Variants in EBAG9 observed in about 807,000 individuals in gnomAD.
EBAG9 encodes receptor-binding cancer antigen expressed on SiSo cells.
A neutral mutation model predicts 30.9 loss-of-function variants in EBAG9; 16 were observed. That is an observed-to-expected ratio of 0.52 (90% confidence interval 0.35 to 0.79). EBAG9 has a LOEUF of 0.79. EBAG9 is among the 30% of genes least tolerant of loss of function. The pLI, the probability that EBAG9 is intolerant of heterozygous loss-of-function variation, is 0.01. For missense variants in EBAG9, 197 were observed against 242.1 expected (o/e 0.81, Z 1.24); for synonymous variants, 93 against 82.8 (o/e 1.12, Z -0.67).
At chr8:109,563,641 C>A in intron 6 of EBAG9, 11 of 1,203,698 alleles carry the variant, frequency 9.1e-6, no homozygotes, top group Non-Finnish European at 1.2e-5. Context: ...GTTTGTTACA[C>A]AGGTAAACAT....
At chr8:109,563,678 A>G in intron 6 of EBAG9, 1 of 873,360 alleles carries the variant, frequency 1.1e-6, no homozygotes, top group Non-Finnish European at 1.7e-6. Flanking sequence ...TCGTACAGAT[A>G]TTTCATCAGC....
intron 4 of EBAG9, among the ~76,000 whole-genome samples, chr8:109,555,316 T>C (rs1821577196): frequency 1.3e-5 from 2 of 152,206 alleles, no homozygotes; most frequent in Non-Finnish European, 1.5e-5. Context: ...CATGAACTCA[T>C]CCTTTTTTAT....
At chr8:109,552,971 G>A (rs1821523372) in intron 2 of EBAG9, among the ~76,000 whole-genome samples, 1 of 152,044 alleles carries the variant, frequency 6.6e-6, no homozygotes, top group South Asian at 2.1e-4. Flanking sequence ...ATTTCATAAA[G>A]GACTATATTA....
chr8:109,563,825 A>G (rs575551253), intron 6 of EBAG9, among the ~76,000 whole-genome samples: 3 of 152,116 alleles, frequency 2.0e-5, no homozygotes, highest in East Asian at 1.9e-4. Context: ...GCGCCCACTT[A>G]TAAGTGAGAA....
Position 109,553,880 on chromosome 8 carries a change from G to A in EBAG9, c.99G>A (p.Arg33=). 1 of 1,607,692 alleles carries A rather than the reference G, an allele frequency of 6.2e-7. No individual in the cohort carries two copies. Among genetic ancestry groups the A allele is most frequent in the Non-Finnish European group, 8.5e-7 (1 of 1,178,162 alleles). ...KRLICRSGRG[R]KLSGDQITLP... Reference sequence around the variant, plus strand: ...TTTGTTTCAGATCTGGCAGAGGACGGAAATTAAGTGGAGACCAAATAACTT... The same window carrying A: ...TTTGTTTCAGATCTGGCAGAGGACGAAAATTAAGTGGAGACCAAATAACTT... Residue 33 remains arginine, a synonymous_variant, in exon 3 of 7, where the codon CGG becomes CGA. Coordinates refer to ENST00000337573, the MANE Select transcript of EBAG9 (RefSeq NM_004215.5).
intron 5 of EBAG9, among the ~76,000 whole-genome samples, chr8:109,559,756 A>G (rs1411125720): frequency 6.6e-6 from 1 of 152,014 alleles, no homozygotes; most frequent in Non-Finnish European, 1.5e-5. Context: ...TTGAAGCTGC[A>G]GTGAACCATG....
intron 1 of EBAG9, among the ~76,000 whole-genome samples, chr8:109,549,854 T>C (rs1307999205): frequency 6.6e-6 from 1 of 152,050 alleles, no homozygotes; most frequent in African/African-American, 2.4e-5. Context: ...ATAATCTGTC[T>C]AACATTGAAA....
At chr8:109,563,539 T>C (rs1274324334) in intron 6 of EBAG9, 3 of 1,589,354 alleles carry the variant, frequency 1.9e-6, no homozygotes, top group Non-Finnish European at 2.5e-6. Flanking sequence ...GGAACAGGTA[T>C]GTATTTCACA....
chr8:109,556,441 T>C (rs1821599149), intron 4 of EBAG9, among the ~76,000 whole-genome samples: 1 of 152,148 alleles, frequency 6.6e-6, no homozygotes. Flanking sequence ...AGTATACTGC[T>C]GCTCTCAGTA....
intron 1 of EBAG9, chr8:109,550,577 C>G: frequency 3.1e-6 from 1 of 324,150 alleles, no homozygotes; most frequent in Admixed American, 4.9e-5. Flanking sequence ...AAATTATTTT[C>G]AAAAACTCAG....
chr8:109,561,119 A>G (rs1821702456), intron 6 of EBAG9, among the ~76,000 whole-genome samples, 190 bp downstream of exon 6: 1 of 151,718 alleles, frequency 6.6e-6, no homozygotes, highest in South Asian at 2.1e-4. Flanking sequence ...CCTCACAGAA[A>G]CCAAGAATTT....
chr8:109,550,083 C>T (rs896466064), intron 1 of EBAG9, among the ~76,000 whole-genome samples: 2 of 151,956 alleles, frequency 1.3e-5, no homozygotes, highest in Non-Finnish European at 1.5e-5. Context: ...GTTAGATTTA[C>T]GTCTGTCATC....
chr8:109,563,308 T>C lies in EBAG9; in HGVS notation c.522-1131T>C, dbSNP rs774972298. On this transcript the variant is annotated intron_variant, in intron 6 of 6. Transcript: ENST00000337573. Reference sequence around the variant, plus strand: ...TTGGATTTTTCTGCATATAACCTAATGTTGCCTATTCCATGCCCAATTGTG... The same window carrying C: ...TTGGATTTTTCTGCATATAACCTAACGTTGCCTATTCCATGCCCAATTGTG... 2.1e-6 allele frequency: 3 copies of C among 1,436,976 alleles called. No homozygotes were observed. The African/African-American group carries it at 4.2e-5, about 20-fold the overall frequency. The allele number at this position is 1,436,976 out of a possible 1,614,324, so 89.0% of individuals were successfully genotyped here. A position where few individuals can be genotyped will look rare whatever the true frequency, so the allele number is the denominator to read the frequency against.
chr8:109,549,725 A>C (rs1462424525), intron 1 of EBAG9, among the ~76,000 whole-genome samples: 1 of 151,946 alleles, frequency 6.6e-6, no homozygotes, highest in Non-Finnish European at 1.5e-5. Flanking sequence ...CTTGTTTATG[A>C]TATTGGCAAA....
At chr8:109,557,473 C>T (rs533548715) in intron 5 of EBAG9, among the ~76,000 whole-genome samples, 1 of 152,288 alleles carries the variant, frequency 6.6e-6, no homozygotes, top group East Asian at 1.9e-4. Flanking sequence ...AACAAGTAGA[C>T]AGCTGAGGTT....
Position 109,553,891 on chromosome 8 carries a change from G to C in EBAG9, c.110G>C (p.Gly37Ala). The C allele has an allele frequency of 6.2e-7, 1 of 1,608,490 alleles. No homozygotes were observed. Among genetic ancestry groups the C allele is most frequent in the Non-Finnish European group, 8.5e-7 (1 of 1,178,366 alleles). ...CRSGRGRKLS[G>A]DQITLPTTVD... is the part of the protein sequence containing the mutation. ...TCTGGCAGAGGACGGAAATTAAGTG[G>C]AGACCAAATAACTTTGCCAACTACA... The change falls in exon 3 of 7, where the codon GGA (glycine) becomes GCA (alanine). Residue 37 changes from glycine (G) to alanine (A), a missense_variant. Physicochemically the swap from Gly to Ala is moderately conservative, Grantham distance 60 (BLOSUM62 0). Coordinates refer to ENST00000337573, the MANE Select transcript of EBAG9 (RefSeq NM_004215.5).
At chr8:109,554,985 CTTTT>C in intron 4 of EBAG9, 98 bp downstream of exon 4, 1 of 958,408 alleles carries the variant, frequency 1.0e-6, no homozygotes. Context: ...AAGCCTATTT[CTTTT>C]TTTTTTTTTA....
intron 1 of EBAG9, among the ~76,000 whole-genome samples, chr8:109,547,413 T>TA (rs1296190799): frequency 2.0e-5 from 3 of 152,190 alleles, no homozygotes; most frequent in African/African-American, 7.2e-5. Flanking sequence ...ACTGTGGCTT[T>TA]AATTTGCATT....
intron 3 of EBAG9, 100 bp from the exon 4 acceptor site, chr8:109,554,629 A>C (rs936300938): frequency 1.6e-6 from 2 of 1,243,680 alleles, no homozygotes; most frequent in Non-Finnish European, 2.2e-6. Flanking sequence ...AAAAGTTTGA[A>C]AACCAGTGTT....
Sources: allele counts gnomAD v4.1 joint callset (sites outside exome capture counted in the v4.1 genomes callset), GRCh38; gene constraint gnomAD v4.1.1; transcripts MANE v1.5; gene names NCBI Gene and HGNC (gene_info 2026-07-23, HGNC 2026-07-21).